HMG20A: variants seen among roughly 807,000 people sequenced by gnomAD.
The protein encoded by HMG20A is high mobility group protein 20A.
HMG20A carries 17 observed loss-of-function variants against 43.9 expected under a neutral mutation model. That is an observed-to-expected ratio of 0.39 (90% confidence interval 0.27 to 0.58). HMG20A has a LOEUF of 0.58. Among genes scored for constraint, HMG20A ranks in the 20% least tolerant of loss-of-function variants. HMG20A has a pLI of 0.59. For synonymous variants in HMG20A, 132 were observed against 147.5 expected, an observed-to-expected ratio of 0.89 and a Z score of 0.76; for missense variants, 341 against 438.2, an observed-to-expected ratio of 0.78 and a Z score of 1.98.
chr15:77,519,767 A>G, the HMG20A span, among the ~76,000 whole-genome samples: 7 of 152,232 alleles, frequency 4.6e-5, no homozygotes, highest in African/African-American at 1.7e-4. Flanking sequence ...AAGGACTGAC[A>G]GGTCAGTGTC....
the HMG20A span, among the ~76,000 whole-genome samples, chr15:77,491,810 A>G: frequency 9.2e-5 from 14 of 152,212 alleles, no homozygotes; most frequent in Non-Finnish European, 1.8e-4. Flanking sequence ...TTTTTGGTGT[A>G]CTCAAGTAAT....
At chr15:77,493,366 G>A in the HMG20A span, among the ~76,000 whole-genome samples, 2 of 152,064 alleles carry the variant, frequency 1.3e-5, no homozygotes, top group African/African-American at 2.4e-5. Flanking sequence ...CTTTCATTGG[G>A]GATTTAGAGG....
intron 1 of HMG20A, among the ~76,000 whole-genome samples, chr15:77,454,599 T>C (rs756689457): frequency 5.9e-5 from 9 of 152,192 alleles, no homozygotes; most frequent in African/African-American, 1.2e-4. Context: ...CATACATTTA[T>C]AGTAATACTC....
chr15:77,497,058 CG>C, the HMG20A span, among the ~76,000 whole-genome samples: 1 of 152,194 alleles, frequency 6.6e-6, no homozygotes, highest in Non-Finnish European at 1.5e-5. Context: ...TCCTGAAAGC[CG>C]GCAGCTCTGT....
downstream of HMG20A, among the ~76,000 whole-genome samples, chr15:77,488,638 TTGTC>T (rs1056728057): frequency 1.6e-4 from 24 of 152,314 alleles, no homozygotes; most frequent in South Asian, 4.1e-4. Flanking sequence ...CTATCAGAGT[TTGTC>T]TGGTAGAGGT....
chr15:77,516,674 C>G, the HMG20A span, among the ~76,000 whole-genome samples: 36,444 of 151,772 alleles, frequency 0.24, 5,131 homozygotes, highest in Non-Finnish European at 0.32. Context: ...GAGAAGGGCA[C>G]TGAACTCCAC....
chr15:77,424,322 CAAATG>C (rs2073403039), intron 1 of HMG20A, among the ~76,000 whole-genome samples: 1 of 152,070 alleles, frequency 6.6e-6, no homozygotes, highest in African/African-American at 2.4e-5. Context: ...ATTGTGAAAA[CAAATG>C]AGAGTGAACA....
intron 1 of HMG20A, among the ~76,000 whole-genome samples, chr15:77,445,045 G>A (rs139525461): frequency 5.9e-4 from 90 of 151,964 alleles, no homozygotes; most frequent in African/African-American, 1.9e-3. Flanking sequence ...TAAGTCAGTT[G>A]ATTAAAATGA....
intron 4 of HMG20A, among the ~76,000 whole-genome samples, chr15:77,468,572 T>TTCTCTC (rs34591065): frequency 4.9e-5 from 7 of 141,880 alleles, no homozygotes; most frequent in Non-Finnish European, 9.2e-5. Context: ...TGCTCAGTCT[T>TTCTCTC]TCTCTCTCTC....
chr15:77,502,801 C>A, the HMG20A span, among the ~76,000 whole-genome samples: 2 of 151,910 alleles, frequency 1.3e-5, no homozygotes, highest in Non-Finnish European at 2.9e-5. Flanking sequence ...GACCCTGTCT[C>A]TACAAAAAAT....
At chr15:77,455,242 A>G (rs1256962794) in intron 1 of HMG20A, among the ~76,000 whole-genome samples, 1 of 149,704 alleles carries the variant, frequency 6.7e-6, no homozygotes, top group African/African-American at 2.5e-5. Context: ...AGTTCCACCT[A>G]ATTTCCTTTG....
chr15:77,480,525 A>G (rs2072897126), intron 9 of HMG20A, among the ~76,000 whole-genome samples: 1 of 151,574 alleles, frequency 6.6e-6, no homozygotes, highest in African/African-American at 2.4e-5. Flanking sequence ...AGGCAGGAGG[A>G]TCACTTAATC....
intron 1 of HMG20A, among the ~76,000 whole-genome samples, chr15:77,439,088 C>T (rs2073582253): frequency 6.6e-6 from 1 of 152,148 alleles, no homozygotes; most frequent in Non-Finnish European, 1.5e-5. Flanking sequence ...TCACCACGCC[C>T]GTCCGTAGGT....
At chr15:77,481,846 A>T (rs1237079111) in intron 9 of HMG20A, among the ~76,000 whole-genome samples, 2 of 152,246 alleles carry the variant, frequency 1.3e-5, no homozygotes, top group African/African-American at 2.4e-5. Context: ...TGGCCTCATT[A>T]TACAAATATG....
intron 1 of HMG20A, among the ~76,000 whole-genome samples, chr15:77,450,230 C>T (rs557191909): frequency 1.6e-4 from 24 of 152,062 alleles, no homozygotes; most frequent in East Asian, 7.7e-4. Context: ...CCAGGGTTCG[C>T]GCCATTCTCC....
At chr15:77,430,928 GTGAT>G (rs778091210) in intron 1 of HMG20A, among the ~76,000 whole-genome samples, 84 of 152,258 alleles carry the variant, frequency 5.5e-4, no homozygotes, top group Non-Finnish European at 9.3e-4. Context: ...TTAAGAGACA[GTGAT>G]TGAGAATTTT....
chr15:77,463,550 A>AT (rs1268596006), intron 2 of HMG20A, among the ~76,000 whole-genome samples: 1 of 152,204 alleles, frequency 6.6e-6, no homozygotes, highest in Non-Finnish European at 1.5e-5. Context: ...ATGTAATAAG[A>AT]TAAGTCCATC....
chr15:77,497,678 A>AGT, the HMG20A span, among the ~76,000 whole-genome samples: 7 of 129,386 alleles, frequency 5.4e-5, no homozygotes, highest in African/African-American at 1.1e-4. Flanking sequence ...AGAGAGAGAG[A>AGT]GAGAGTGTGT....
chr15:77,471,684 T>A (rs2072810166), intron 5 of HMG20A, 99 bp from the exon 6 acceptor site: 2 of 750,500 alleles, frequency 2.7e-6, no homozygotes, highest in East Asian at 5.2e-5. Context: ...AGAATCTACA[T>A]ATACAAGCAG....
Sources: gnomAD v4.1 joint callset for allele counts (sites outside exome capture counted in the v4.1 genomes callset) on GRCh38, gnomAD v4.1.1 for gene constraint, MANE v1.5 for transcripts, NCBI Gene and HGNC (gene_info 2026-07-23, HGNC 2026-07-21) for gene names.